The following RANBP2 variants were observed in gnomAD, a reference collection of about 807,000 sequenced individuals.
RANBP2 encodes the protein E3 SUMO-protein ligase RanBP2.
RANBP2 carries 57 observed loss-of-function variants against 303.6 expected under a neutral mutation model. The ratio of observed to expected loss-of-function variants is 0.19; its 90% CI spans 0.15 to 0.23. The LOEUF is 0.23. Ranked by LOEUF, RANBP2 falls within the 10% of genes least tolerant of loss-of-function variation. The probability of loss-of-function intolerance (pLI) is 1.00; values close to 1 mark genes in which losing one functional copy is unlikely to be tolerated. For synonymous variants in RANBP2, 1,167 were observed against 1,301.5 expected (o/e 0.90, Z 2.23); for missense variants, 3,138 against 3,780.8 (o/e 0.83, Z 4.46).
the RANBP2 span, chr2:109,614,180 A>C: frequency 2.6e-6 from 3 of 1,159,286 alleles, no homozygotes; most frequent in Non-Finnish European, 3.2e-6. Flanking sequence ...CGGAGCAGTG[A>C]TTGCGGCCCT....
the RANBP2 span, among the ~76,000 whole-genome samples, chr2:109,602,885 T>C: frequency 7.9e-6 from 1 of 126,896 alleles, no homozygotes; most frequent in African/African-American, 3.1e-5. Flanking sequence ...CTGAACAACA[T>C]AGGCAGACCC....
chr2:108,917,706 AGGG>A, the RANBP2 span, among the ~76,000 whole-genome samples: 861 of 152,004 alleles, frequency 5.7e-3, 5 homozygotes, highest in African/African-American at 0.02. Context: ...TGACCTCATG[AGGG>A]TGAGGTCAGC....
At chr2:109,347,075 C>A in the RANBP2 span, among the ~76,000 whole-genome samples, 352 of 152,320 alleles carry the variant, frequency 2.3e-3, 3 homozygotes, top group Non-Finnish European at 3.5e-3. Context: ...CGACGGATGC[C>A]ATGCACGCCT....
At chr2:108,795,488 C>T in the RANBP2 span, among the ~76,000 whole-genome samples, 24 of 152,106 alleles carry the variant, frequency 1.6e-4, no homozygotes, top group Admixed American at 1.4e-3. Flanking sequence ...TAAGCATCCA[C>T]GAGAAGTAGA....
At chr2:109,359,718 A>C in the RANBP2 span, among the ~76,000 whole-genome samples, 2 of 152,132 alleles carry the variant, frequency 1.3e-5, no homozygotes, top group East Asian at 3.9e-4. Context: ...ACCTGACCTT[A>C]TGTAATGGGT....
At chr2:108,911,332 G>C in the RANBP2 span, among the ~76,000 whole-genome samples, 1 of 152,282 alleles carries the variant, frequency 6.6e-6, no homozygotes, top group South Asian at 2.1e-4. Context: ...TTGTTCCTAG[G>C]GAGTTTGCTC....
chr2:109,733,352 A>G, the RANBP2 span, among the ~76,000 whole-genome samples: 2 of 152,210 alleles, frequency 1.3e-5, no homozygotes, highest in Non-Finnish European at 2.9e-5. Flanking sequence ...ATTGACATGG[A>G]AAAAGCATTT....
the RANBP2 span, among the ~76,000 whole-genome samples, chr2:109,533,153 A>C: frequency 4.6e-5 from 7 of 152,174 alleles, no homozygotes; most frequent in African/African-American, 9.7e-5. Flanking sequence ...AAAGGGAGGA[A>C]GGGAGGAAAG....
chr2:109,699,180 T>C, the RANBP2 span, among the ~76,000 whole-genome samples: 1 of 152,236 alleles, frequency 6.6e-6, no homozygotes, highest in Admixed American at 6.5e-5. Context: ...GCCTGTGGAA[T>C]GTCATTCCAT....
the RANBP2 span, among the ~76,000 whole-genome samples, chr2:109,169,598 G>C: frequency 6.6e-6 from 1 of 152,136 alleles, no homozygotes; most frequent in African/African-American, 2.4e-5. Flanking sequence ...CAAACTGACC[G>C]AGCTTAGCAA....
At chr2:109,053,130 C>T in the RANBP2 span, among the ~76,000 whole-genome samples, 2 of 152,310 alleles carry the variant, frequency 1.3e-5, no homozygotes, top group African/African-American at 4.8e-5. Context: ...CCCCAGTATC[C>T]TCCAGGTACT....
the RANBP2 span, chr2:108,923,365 C>T: frequency 6.2e-7 from 1 of 1,613,942 alleles, no homozygotes; most frequent in Non-Finnish European, 8.5e-7. Context: ...CAAAGACACT[C>T]ACATTCCTTG....
the RANBP2 span, among the ~76,000 whole-genome samples, chr2:108,856,367 A>G: frequency 6.6e-6 from 1 of 152,220 alleles, no homozygotes; most frequent in Non-Finnish European, 1.5e-5. Flanking sequence ...CGTTTGTATA[A>G]ATTACATTTT....
the RANBP2 span, among the ~76,000 whole-genome samples, chr2:108,858,153 G>A: frequency 6.6e-6 from 1 of 152,180 alleles, no homozygotes; most frequent in Admixed American, 6.5e-5. Flanking sequence ...AGGCCAGCCT[G>A]GCCAACACGG....
the RANBP2 span, among the ~76,000 whole-genome samples, chr2:109,517,852 G>A: frequency 6.6e-6 from 1 of 152,246 alleles, no homozygotes; most frequent in African/African-American, 2.4e-5. Flanking sequence ...AGGTGACTAG[G>A]AAGCCTAGAT....
the RANBP2 span, among the ~76,000 whole-genome samples, chr2:108,825,373 TCA>T: frequency 6.6e-6 from 1 of 152,098 alleles, no homozygotes; most frequent in East Asian, 1.9e-4. Flanking sequence ...TTTTCTTTAT[TCA>T]CAGAGTTGTG....
chr2:109,215,154 TTC>T, the RANBP2 span, among the ~76,000 whole-genome samples: 1 of 152,180 alleles, frequency 6.6e-6, no homozygotes, highest in African/African-American at 2.4e-5. Context: ...CTTTCTGTGT[TTC>T]TCTCTCTCTG....
chr2:109,574,859 CTAAT>C, the RANBP2 span: 130 of 848,792 alleles, frequency 1.5e-4, 1 homozygote, highest in South Asian at 1.5e-3. Context: ...TATATTTTCA[CTAAT>C]TAATAAACAG....
the RANBP2 span, among the ~76,000 whole-genome samples, chr2:109,297,910 GC>G: frequency 6.6e-6 from 1 of 152,086 alleles, no homozygotes; most frequent in East Asian, 1.9e-4. Flanking sequence ...CCATGTCAAT[GC>G]TCCCCACCCA....
Sources: allele counts gnomAD v4.1 joint callset (sites outside exome capture counted in the v4.1 genomes callset), GRCh38; gene constraint gnomAD v4.1.1; transcripts MANE v1.5; gene names NCBI Gene and HGNC (gene_info 2026-07-23, HGNC 2026-07-21).